NWD2: variants seen among roughly 807,000 people sequenced by gnomAD.
The protein encoded by NWD2 is NACHT and WD repeat domain-containing protein 2.
A neutral mutation model predicts 132.7 loss-of-function variants in NWD2; 37 were observed. The observed-to-expected ratio is 0.28, with a 90% CI of 0.21 to 0.37. The LOEUF (loss-of-function observed/expected upper bound fraction) is 0.37. Among genes scored for constraint, NWD2 ranks in the 10% least tolerant of loss-of-function variants. The pLI is 1.00. For missense variants in NWD2, 1,592 were observed against 2,122.4 expected, an observed-to-expected ratio of 0.75 and a Z score of 4.91; for synonymous variants, 705 against 803.0, an observed-to-expected ratio of 0.88 and a Z score of 2.06.
intron 1 of NWD2, among the ~76,000 whole-genome samples, chr4:37,304,186 G>A (rs1277473097): frequency 6.6e-6 from 1 of 152,174 alleles, no homozygotes; most frequent in Non-Finnish European, 1.5e-5. Flanking sequence ...GGCTGGAAAA[G>A]GAAGAAGAGA....
At chr4:37,274,001 T>C (rs1577651607) in intron 1 of NWD2, among the ~76,000 whole-genome samples, 1 of 152,138 alleles carries the variant, frequency 6.6e-6, no homozygotes, top group African/African-American at 2.4e-5. Context: ...ATTGACACCT[T>C]AACATCCCAA....
At chr4:37,315,790 T>C (rs553400432) in intron 1 of NWD2, among the ~76,000 whole-genome samples, 2 of 152,078 alleles carry the variant, frequency 1.3e-5, no homozygotes, top group African/African-American at 4.8e-5. Flanking sequence ...CTTTGCTAAA[T>C]AGATATTTTA....
chr4:37,310,838 G>A (rs186592676), intron 1 of NWD2, among the ~76,000 whole-genome samples: 132 of 130,218 alleles, frequency 1.0e-3, no homozygotes, highest in Non-Finnish European at 1.7e-3. Flanking sequence ...CTGTGTCCAT[G>A]TGTTCTCATT....
intron 2 of NWD2, among the ~76,000 whole-genome samples, chr4:37,337,333 A>G (rs923103770): frequency 6.6e-6 from 1 of 152,208 alleles, no homozygotes; most frequent in Admixed American, 6.5e-5. Flanking sequence ...ACGCCTTTGC[A>G]ACTAAGCGTG....
chr4:37,384,986 C>G (rs982836057), intron 3 of NWD2, among the ~76,000 whole-genome samples: 8 of 152,270 alleles, frequency 5.3e-5, no homozygotes, highest in Admixed American at 2.6e-4. Flanking sequence ...CTGATTTGAT[C>G]ATTACACAAT....
intron 1 of NWD2, among the ~76,000 whole-genome samples, chr4:37,316,772 T>C (rs1005001234): frequency 6.6e-6 from 1 of 152,186 alleles, no homozygotes; most frequent in Non-Finnish European, 1.5e-5. Context: ...CCGTTGACAT[T>C]TTTTCTGTGT....
intron 3 of NWD2, among the ~76,000 whole-genome samples, chr4:37,400,043 T>C (rs1354744997): frequency 6.6e-6 from 1 of 152,222 alleles, no homozygotes; most frequent in East Asian, 1.9e-4. Flanking sequence ...GTTAAGATTG[T>C]AGACTCTGTA....
At chr4:37,349,874 GA>G (rs1332564663) in intron 2 of NWD2, among the ~76,000 whole-genome samples, 1 of 152,140 alleles carries the variant, frequency 6.6e-6, no homozygotes, top group Non-Finnish European at 1.5e-5. Context: ...AAGTTATAAG[GA>G]AGGGATCCAG....
At chr4:37,350,278 A>G (rs1390790444) in intron 2 of NWD2, among the ~76,000 whole-genome samples, 1 of 152,226 alleles carries the variant, frequency 6.6e-6, no homozygotes, top group East Asian at 1.9e-4. Context: ...TTTGGACAGT[A>G]TGGCTATTTT....
intron 2 of NWD2, among the ~76,000 whole-genome samples, chr4:37,350,704 G>A (rs1404654998): frequency 6.6e-6 from 1 of 152,168 alleles, no homozygotes; most frequent in African/African-American, 2.4e-5. Flanking sequence ...GCCCTGGCCA[G>A]AACTTCAAAT....
intron 3 of NWD2, among the ~76,000 whole-genome samples, chr4:37,412,584 C>T (rs1721182681): frequency 1.3e-5 from 2 of 152,140 alleles, no homozygotes; most frequent in African/African-American, 4.8e-5. Flanking sequence ...ACAATGCTAT[C>T]CCCATCAAGC....
Position 37,446,748 on chromosome 4 carries a change from G to C in NWD2, c.4760G>C (p.Gly1587Ala), listed in dbSNP as rs748772871. 4.5e-6 allele frequency: 7 copies of C among 1,551,690 alleles called. 1 individual carries two copies. The South Asian group carries it at 7.1e-5, about 16-fold the overall frequency. Residue 1587 changes from glycine (G) to alanine (A), a missense_variant, in exon 7 of 7, where the codon GGG becomes GCG. Coordinates refer to ENST00000309447, the MANE Select transcript of NWD2 (RefSeq NM_001144990.2). This position sits in a 1 kb window ranked among gnomAD's most constrained non-coding sequence, Gnocchi z 6.7. ...RYLVYICFRN[G>A]EEEDENGAIF... ...CTGGTATACATTTGTTTCCGAAATG[G>C]GGAGGAGGAGGATGAAAATGGTGCA...
At chr4:37,328,525 G>A (rs1360576426) in intron 2 of NWD2, among the ~76,000 whole-genome samples, 2 of 152,042 alleles carry the variant, frequency 1.3e-5, no homozygotes, top group African/African-American at 2.4e-5. Context: ...TTAGTTTGCT[G>A]AGAATGATGG....
At chr4:37,335,405 T>C (rs1485325290) in intron 2 of NWD2, among the ~76,000 whole-genome samples, 1 of 152,160 alleles carries the variant, frequency 6.6e-6, no homozygotes, top group Non-Finnish European at 1.5e-5. Context: ...GAGTACTTTA[T>C]TTCTAATCTT....
At chr4:37,379,493 A>T (rs1720410292) in intron 3 of NWD2, among the ~76,000 whole-genome samples, 1 of 152,138 alleles carries the variant, frequency 6.6e-6, no homozygotes, top group Non-Finnish European at 1.5e-5. Context: ...ATGCTTTTGT[A>T]TTTCAAAAAG....
At chr4:37,355,735 G>T (rs536405616) in intron 2 of NWD2, among the ~76,000 whole-genome samples, 1 of 152,106 alleles carries the variant, frequency 6.6e-6, no homozygotes, top group South Asian at 2.1e-4. Context: ...TTTGAAGTAG[G>T]GAGATAGAGG....
intron 3 of NWD2, among the ~76,000 whole-genome samples, chr4:37,423,367 T>C (rs2928290): frequency 0.49 from 73,871 of 151,982 alleles, 18,380 homozygotes; most frequent in South Asian, 0.57. Flanking sequence ...GAAACAAAAT[T>C]AATCAAATAT....
intron 3 of NWD2, among the ~76,000 whole-genome samples, chr4:37,388,149 A>T (rs1720602905): frequency 6.6e-6 from 1 of 152,026 alleles, no homozygotes; most frequent in Non-Finnish European, 1.5e-5. Context: ...TAGTTAATAG[A>T]TGTAAAGTGC....
At chr4:37,399,958 T>A (rs542134665) in intron 3 of NWD2, among the ~76,000 whole-genome samples, 5 of 152,318 alleles carry the variant, frequency 3.3e-5, no homozygotes, top group African/African-American at 1.2e-4. Context: ...AGACCAGGTT[T>A]TCCTTTCTGA....
Sources: allele counts gnomAD v4.1 joint callset (sites outside exome capture counted in the v4.1 genomes callset), GRCh38; gene constraint gnomAD v4.1.1; non-coding constraint Gnocchi (gnomAD v3.1); transcripts MANE v1.5; gene names NCBI Gene and HGNC (gene_info 2026-07-23, HGNC 2026-07-21).